PLCB1: variants seen among roughly 807,000 people sequenced by gnomAD.
PLCB1 encodes the protein 1-phosphatidylinositol 4,5-bisphosphate phosphodiesterase beta-1.
PLCB1 carries 46 observed loss-of-function variants against 161.8 expected under a neutral mutation model. The observed-to-expected ratio is 0.28, with a 90% CI of 0.22 to 0.36. The LOEUF (loss-of-function observed/expected upper bound fraction) is 0.36. PLCB1 is among the 10% of genes least tolerant of loss of function. The probability of loss-of-function intolerance (pLI) is 1.00; values close to 1 mark genes in which losing one functional copy is unlikely to be tolerated. For synonymous variants in PLCB1, 517 were observed against 503.7 expected (o/e 1.03, Z -0.35); for missense variants, 1,016 against 1,472.5 (o/e 0.69, Z 5.07).
rs190019296 is a variant in PLCB1, at chr20:8,881,788, C to T, written c.3590C>T (p.Thr1197Ile). The change falls in exon 32 of 32, where the codon ACT becomes ATT. Residue 1197 changes from threonine to isoleucine, a missense_variant. Thr to Ile is a moderately conservative substitution (Grantham distance 89). Transcript: ENST00000338037. ...GACCCTGGAAAAGTGAACCACAAGACTCCCTCCAGTGAGGAGCTGGGAGGA... is the reference window on the plus strand; with the variant it reads ...GACCCTGGAAAAGTGAACCACAAGATTCCCTCCAGTGAGGAGCTGGGAGGA... The part of the protein sequence containing the change: ...SSDPGKVNHK[T>I]PSSEELGGDI... The T allele has an allele frequency of 1.5e-5, 24 of 1,614,126 alleles. No individual in the cohort carries two copies. In the African/African-American group the frequency reaches 2.7e-4, roughly 18 times the overall value.
chr20:8,650,170 GT>G (rs1345010656), intron 7 of PLCB1, among the ~76,000 whole-genome samples: 4 of 125,556 alleles, frequency 3.2e-5, no homozygotes, highest in Non-Finnish European at 6.2e-5. Flanking sequence ...CCTTCTTGAT[GT>G]TTTTTTTAAG....
In PLCB1 at chr20:8,404,215, G is replaced by C. The variant is rs546100780; in HGVS notation, c.246+32765G>C. ...TCATGGAATAAATGCTCTGTTCTAA[G>C]AGTTAACTGACCTATGTTTTTGTTT... On this transcript the variant is annotated intron_variant, in intron 3 of 31. Coordinates refer to ENST00000338037, the MANE Select transcript of PLCB1 (RefSeq NM_015192.4). Among the ~76,000 whole-genome samples the C allele has an allele frequency of 4.6e-5, 7 of 152,306 alleles. No individual in the cohort carries two copies. In the South Asian group the frequency reaches 1.2e-3, roughly 27 times the overall value.
At chr20:8,313,514 G>T (rs1291052691) in intron 2 of PLCB1, among the ~76,000 whole-genome samples, 1 of 151,960 alleles carries the variant, frequency 6.6e-6, no homozygotes, top group Non-Finnish European at 1.5e-5. Flanking sequence ...AAAGCATAAG[G>T]TCACTGTAGG....
At chr20:8,485,847 A>C (rs1982699819) in intron 3 of PLCB1, among the ~76,000 whole-genome samples, 1 of 152,186 alleles carries the variant, frequency 6.6e-6, no homozygotes, top group Non-Finnish European at 1.5e-5. Context: ...AGAGGTATGG[A>C]AACCCTCCCT....
intron 3 of PLCB1, among the ~76,000 whole-genome samples, chr20:8,514,667 T>C (rs541267572): frequency 1.4e-4 from 21 of 152,194 alleles, no homozygotes; most frequent in Non-Finnish European, 2.8e-4. Context: ...GTTTCATTTC[T>C]CTTTTAGTAC....
rs115708597 is a variant in PLCB1 at position 8,673,525 on chromosome 20, C to T, written c.863-11407C>T. ...GCCCCCCAAATCCCTGTCTTTCTTC[C>T]GCATATTTGTTGGACTTCAGGGTAC... is the stretch of plus-strand genomic sequence containing the variant. On this transcript the variant is annotated intron_variant, in intron 9 of 31. Coordinates refer to ENST00000338037, the MANE Select transcript of PLCB1 (RefSeq NM_015192.4). Among the ~76,000 whole-genome samples, 558 of 152,256 alleles carry T rather than the reference C, an allele frequency of 3.7e-3. 1 individual carries two copies. The highest frequency in any genetic ancestry group is 0.013 in the African/African-American group (525 of 41,556).
Position 8,510,383 on chromosome 20 carries a change from CTT to C in PLCB1, c.247-117893_247-117892del, listed in dbSNP as rs11479098. Among the ~76,000 whole-genome samples the C allele has an allele frequency of 1.3e-3, 161 of 119,784 alleles. 1 individual carries two copies. Among genetic ancestry groups the C allele is most frequent in the East Asian group, 4.0e-3 (17 of 4,228 alleles). 78.6% of individuals were successfully genotyped at this position (119,784 alleles called of 152,430 possible). On this transcript the variant is annotated intron_variant, in intron 3 of 31. Coordinates refer to ENST00000338037, the MANE Select transcript of PLCB1 (RefSeq NM_015192.4). ...ACTCTGATCTTTTTCTTTTCTTTTT[CTT>C]TTTTTTTTTTTTTTTTTAAGATGGA... is the stretch of plus-strand genomic sequence containing the variant.
chr20:8,659,778 G>A (rs6118284), intron 9 of PLCB1, among the ~76,000 whole-genome samples: 1 of 152,058 alleles, frequency 6.6e-6, no homozygotes, highest in African/African-American at 2.4e-5. Context: ...GATCACTTTA[G>A]GTCAGGAGTT....
rs887015176 is a variant in PLCB1, at chr20:8,136,582, C to T, written c.99+3832C>T. Among the ~76,000 whole-genome samples the T allele has an allele frequency of 7.3e-5, 11 of 150,776 alleles. No individual in the cohort carries two copies. The East Asian group carries it at 7.8e-4, about 11-fold the overall frequency. On this transcript the variant is annotated intron_variant, in intron 1 of 31. Transcript: ENST00000338037. The stretch of plus-strand genomic sequence containing the variant: ...CGGAGCTTGCAGTGAGCCGAGATCG[C>T]GCCACTGCACTCCAGCCTGGGCGAC...
intron 7 of PLCB1, chr20:8,651,441 G>C (rs1989319404): frequency 2.7e-6 from 2 of 727,526 alleles, no homozygotes; most frequent in Non-Finnish European, 2.6e-6. Flanking sequence ...GCTGCGAAAA[G>C]TGAGCAGAGC....
At chr20:8,477,363 A>C (rs1343419025) in intron 3 of PLCB1, among the ~76,000 whole-genome samples, 1 of 152,192 alleles carries the variant, frequency 6.6e-6, no homozygotes, top group Non-Finnish European at 1.5e-5. Context: ...ATTAGGACCA[A>C]AGGAAGACGG....
intron 2 of PLCB1, among the ~76,000 whole-genome samples, chr20:8,320,925 GGAA>G (rs200224876): frequency 4.1e-5 from 6 of 147,196 alleles, no homozygotes; most frequent in East Asian, 2.0e-4. Context: ...AGGAAGAAGA[GGAA>G]GAAGAAGAGA....
chr20:8,361,986 T>C (rs1986558156), intron 2 of PLCB1, among the ~76,000 whole-genome samples: 1 of 152,220 alleles, frequency 6.6e-6, no homozygotes, highest in East Asian at 1.9e-4. Flanking sequence ...ATCTGATTAG[T>C]CTGAAATGAG....
chr20:8,231,459 GT>G (rs1242834460), intron 2 of PLCB1, among the ~76,000 whole-genome samples: 1 of 152,146 alleles, frequency 6.6e-6, no homozygotes, highest in Non-Finnish European at 1.5e-5. Flanking sequence ...AGACCTATCT[GT>G]TTTCTAAGGA....
intron 2 of PLCB1, among the ~76,000 whole-genome samples, chr20:8,331,800 A>G (rs1484421050): frequency 1.3e-5 from 2 of 152,258 alleles, no homozygotes; most frequent in African/African-American, 4.8e-5. Flanking sequence ...TTGACACCTT[A>G]CTAACAGGTA....
At chr20:8,401,274 A>G (rs1197270317) in intron 3 of PLCB1, among the ~76,000 whole-genome samples, 1 of 152,226 alleles carries the variant, frequency 6.6e-6, no homozygotes, top group African/African-American at 2.4e-5. Flanking sequence ...TACTGGAAAT[A>G]TGATCTCCAG....
At chr20:8,575,327 T>C (rs887543857) in intron 3 of PLCB1, among the ~76,000 whole-genome samples, 1 of 152,218 alleles carries the variant, frequency 6.6e-6, no homozygotes, top group Admixed American at 6.5e-5. Flanking sequence ...GAAACAGATA[T>C]AGGCACTAGA....
chr20:8,308,313 G>C (rs1358750281), intron 2 of PLCB1, among the ~76,000 whole-genome samples: 1 of 151,712 alleles, frequency 6.6e-6, no homozygotes, highest in African/African-American at 2.4e-5. Context: ...GGGACTTTCT[G>C]AGTAAAGAAC....
At chr20:8,837,969 A>G (rs1024298019) in intron 31 of PLCB1, among the ~76,000 whole-genome samples, 1 of 152,172 alleles carries the variant, frequency 6.6e-6, no homozygotes, top group Non-Finnish European at 1.5e-5. Context: ...ACAGAGAACC[A>G]TGGCACTGGC....
Sources: allele counts gnomAD v4.1 joint callset (sites outside exome capture counted in the v4.1 genomes callset), GRCh38; gene constraint gnomAD v4.1.1; transcripts MANE v1.5; gene names NCBI Gene and HGNC (gene_info 2026-07-23, HGNC 2026-07-21).